The following RAB38 variants were observed in gnomAD, a reference collection of about 807,000 sequenced individuals.
RAB38 encodes the protein ras-related protein Rab-38.
RAB38 carries 15 observed loss-of-function variants against 18.4 expected under a neutral mutation model. That is an observed-to-expected ratio of 0.82 (90% CI 0.55 to 1.26). The LOEUF (loss-of-function observed/expected upper bound fraction) is 1.26. Ranked by LOEUF, RAB38 falls within the 50% of genes most tolerant of loss-of-function variation. The pLI is 0.00. For missense variants in RAB38, 294 were observed against 267.4 expected (o/e 1.10, Z -0.69); for synonymous variants, 101 against 104.4 (o/e 0.97, Z 0.20).
the RAB38 span, among the ~76,000 whole-genome samples, chr11:88,027,097 C>G: frequency 5.3e-5 from 8 of 151,922 alleles, no homozygotes; most frequent in African/African-American, 1.9e-4. Flanking sequence ...ATAAAATAAA[C>G]GAAGATTTTA....
At chr11:87,926,276 G>A in the RAB38 span, among the ~76,000 whole-genome samples, 1 of 151,786 alleles carries the variant, frequency 6.6e-6, no homozygotes, top group Admixed American at 6.6e-5. Flanking sequence ...CTATGTTCCT[G>A]ACTGAATTTC....
the RAB38 span, among the ~76,000 whole-genome samples, chr11:87,847,467 A>C: frequency 1.3e-5 from 2 of 152,282 alleles, no homozygotes; most frequent in African/African-American, 4.8e-5. Flanking sequence ...GAATAGTCTT[A>C]TGTAAATTAA....
At chr11:88,146,378 G>A (rs1942986563) in intron 2 of RAB38, among the ~76,000 whole-genome samples, 1 of 152,192 alleles carries the variant, frequency 6.6e-6, no homozygotes, top group Non-Finnish European at 1.5e-5. Flanking sequence ...GCAATGTGAA[G>A]AAAGGAAATC....
At chr11:87,832,554 G>A in the RAB38 span, among the ~76,000 whole-genome samples, 2 of 152,004 alleles carry the variant, frequency 1.3e-5, no homozygotes, top group African/African-American at 4.8e-5. Context: ...TTTCTTATTC[G>A]CTGTCCACTG....
chr11:87,868,488 A>G, the RAB38 span, among the ~76,000 whole-genome samples: 2 of 151,212 alleles, frequency 1.3e-5, no homozygotes, highest in African/African-American at 4.8e-5. Flanking sequence ...AGCAACACAA[A>G]TGGACTAAGA....
chr11:88,116,351 G>A (rs1248291914), intron 2 of RAB38, among the ~76,000 whole-genome samples: 2 of 152,120 alleles, frequency 1.3e-5, no homozygotes, highest in African/African-American at 2.4e-5. Context: ...TGGTTTTAAC[G>A]TACTTGCCTG....
the RAB38 span, among the ~76,000 whole-genome samples, chr11:87,862,421 T>A: frequency 1.3e-5 from 2 of 151,712 alleles, no homozygotes; most frequent in African/African-American, 4.8e-5. Context: ...GCAAACCAGA[T>A]ATGGAATGTT....
the RAB38 span, among the ~76,000 whole-genome samples, chr11:87,968,226 C>T: frequency 6.6e-6 from 1 of 152,074 alleles, no homozygotes; most frequent in East Asian, 1.9e-4. Context: ...CAGGACCTTA[C>T]TGGTTTCAGC....
chr11:87,893,230 T>C, the RAB38 span, among the ~76,000 whole-genome samples: 12 of 151,044 alleles, frequency 7.9e-5, no homozygotes, highest in Non-Finnish European at 1.3e-4. Flanking sequence ...GCTTCCAAAC[T>C]TTGTAACTCA....
chr11:87,833,679 A>C, the RAB38 span, among the ~76,000 whole-genome samples: 10 of 152,214 alleles, frequency 6.6e-5, no homozygotes, highest in Admixed American at 5.9e-4. Context: ...TGAAGTACAG[A>C]GTTGTTAAAT....
the RAB38 span, among the ~76,000 whole-genome samples, chr11:88,079,310 G>T: frequency 6.6e-6 from 1 of 151,896 alleles, no homozygotes; most frequent in East Asian, 1.9e-4. Flanking sequence ...ATGTCAAAAA[G>T]ATGATAGCTA....
At chr11:88,088,121 T>A in the RAB38 span, among the ~76,000 whole-genome samples, 5 of 151,934 alleles carry the variant, frequency 3.3e-5, no homozygotes, top group Non-Finnish European at 7.4e-5. Flanking sequence ...GCAGACAGGA[T>A]GGATTGGAAG....
the RAB38 span, among the ~76,000 whole-genome samples, chr11:87,881,366 T>A: frequency 6.6e-6 from 1 of 151,878 alleles, no homozygotes; most frequent in Non-Finnish European, 1.5e-5. Context: ...CCTATCCAGT[T>A]GTTAATAAAG....
At chr11:87,811,576 C>T in the RAB38 span, among the ~76,000 whole-genome samples, 4 of 152,018 alleles carry the variant, frequency 2.6e-5, no homozygotes, top group African/African-American at 9.7e-5. Flanking sequence ...ACTCCTTTAC[C>T]CACTTTCTTT....
At chr11:88,092,295 A>C in the RAB38 span, among the ~76,000 whole-genome samples, 23 of 30,534 alleles carry the variant, frequency 7.5e-4, no homozygotes, top group African/African-American at 1.3e-3. Flanking sequence ...GGTGAAGGAG[A>C]CGGCCGGTGT....
chr11:87,954,909 G>A, the RAB38 span, among the ~76,000 whole-genome samples: 2 of 152,148 alleles, frequency 1.3e-5, no homozygotes, highest in Non-Finnish European at 2.9e-5. Context: ...TCCAGAACCT[G>A]TAAAGGCAAT....
chr11:87,969,311 T>C, the RAB38 span, among the ~76,000 whole-genome samples: 145,115 of 152,150 alleles, frequency 0.95, 69,304 homozygotes, highest in South Asian at 0.98. Flanking sequence ...CCCCCCCCAA[T>C]AGAGTATGTG....
chr11:88,046,566 T>C, the RAB38 span, among the ~76,000 whole-genome samples: 195 of 152,212 alleles, frequency 1.3e-3, no homozygotes, highest in African/African-American at 4.2e-3. Flanking sequence ...CACAGACAGC[T>C]CCCATTACTT....
the RAB38 span, among the ~76,000 whole-genome samples, chr11:88,062,793 C>T: frequency 6.6e-6 from 1 of 152,146 alleles, no homozygotes. Context: ...GCATTTGCCT[C>T]AATTTTACAA....
Sources: allele counts gnomAD v4.1 joint callset (sites outside exome capture counted in the v4.1 genomes callset), GRCh38; gene constraint gnomAD v4.1.1; transcripts MANE v1.5; gene names NCBI Gene and HGNC (gene_info 2026-07-23, HGNC 2026-07-21).